The following CHCHD3 variants were observed in gnomAD, a reference collection of about 807,000 sequenced individuals.
CHCHD3 encodes the protein MICOS complex subunit MIC19.
CHCHD3 carries 20 observed loss-of-function variants against 38.2 expected under a neutral mutation model. The observed-to-expected ratio is 0.52, with a 90% CI of 0.37 to 0.76. The LOEUF (loss-of-function observed/expected upper bound fraction) is 0.76, where lower values mean the gene tolerates loss of function less well. Among genes scored for constraint, CHCHD3 ranks in the 30% least tolerant of loss-of-function variants. CHCHD3 has a pLI of 0.00. For synonymous variants in CHCHD3, 82 were observed against 100.0 expected, an observed-to-expected ratio of 0.82 and a Z score of 1.07; for missense variants, 245 against 279.2, an observed-to-expected ratio of 0.88 and a Z score of 0.87.
intron 1 of CHCHD3, among the ~76,000 whole-genome samples, chr7:133,080,065 A>G (rs1456450207): frequency 6.6e-6 from 1 of 152,230 alleles, no homozygotes; most frequent in Non-Finnish European, 1.5e-5. Flanking sequence ...ATTGCAAAAC[A>G]TTCATGTAAA....
chr7:132,871,795 C>G (rs1808772661), intron 5 of CHCHD3, among the ~76,000 whole-genome samples: 1 of 152,178 alleles, frequency 6.6e-6, no homozygotes, highest in Non-Finnish European at 1.5e-5. Context: ...AATATCTGCA[C>G]ACACAGTAGA....
At chr7:132,975,708 A>T (rs1811746811) in intron 3 of CHCHD3, among the ~76,000 whole-genome samples, 1 of 152,088 alleles carries the variant, frequency 6.6e-6, no homozygotes, top group Non-Finnish European at 1.5e-5. Flanking sequence ...AGGCAAGTGG[A>T]CCACTTGAGG....
intron 4 of CHCHD3, among the ~76,000 whole-genome samples, chr7:132,936,198 A>C (rs1208486608): frequency 6.6e-6 from 1 of 152,158 alleles, no homozygotes; most frequent in Non-Finnish European, 1.5e-5. Context: ...GCACCCGATA[A>C]ATGACAGGCA....
chr7:132,933,560 T>C (rs1054654359), intron 4 of CHCHD3, among the ~76,000 whole-genome samples: 1 of 152,192 alleles, frequency 6.6e-6, no homozygotes, highest in Admixed American at 6.5e-5. Flanking sequence ...ATTTCACTGG[T>C]TGGGAGTGAT....
chr7:133,080,632 A>T (rs983744260), intron 1 of CHCHD3, among the ~76,000 whole-genome samples: 1 of 152,282 alleles, frequency 6.6e-6, no homozygotes, highest in African/African-American at 2.4e-5. Context: ...GAAACACAAT[A>T]ACTCAAAGAA....
intron 4 of CHCHD3, among the ~76,000 whole-genome samples, chr7:132,886,582 G>A (rs1585605321): frequency 2.0e-5 from 3 of 151,494 alleles, no homozygotes; most frequent in African/African-American, 4.8e-5. Flanking sequence ...TTTTTGCTCA[G>A]TGAATGCTGA....
intron 4 of CHCHD3, among the ~76,000 whole-genome samples, chr7:132,968,056 C>T (rs1456940544): frequency 1.3e-5 from 2 of 152,096 alleles, no homozygotes; most frequent in African/African-American, 2.4e-5. Flanking sequence ...AGCAAACATA[C>T]CTAAAGCTGC....
Position 133,035,769 on chromosome 7 carries a change from CG to C in CHCHD3, c.170-11143del, listed in dbSNP as rs1286538889. 6.2e-7 allele frequency: 1 copy of C among 1,613,056 alleles called. No individual in the cohort carries two copies. The highest frequency in any genetic ancestry group is 1.3e-5 in the African/African-American group (1 of 74,890). The stretch of plus-strand genomic sequence containing the variant: ...TGGGACCTTGCCGGCAGGAAATTTG[CG>C]AAGAAATTCAGAGGTGCGGTTGGTT... On this transcript the variant is annotated intron_variant, in intron 2 of 7. Coordinates refer to ENST00000262570, the MANE Select transcript of CHCHD3 (RefSeq NM_017812.4). This position sits in a 1 kb window ranked among gnomAD's most constrained non-coding sequence, Gnocchi z 4.7.
At chr7:132,910,797 T>C (rs1809927990) in intron 4 of CHCHD3, among the ~76,000 whole-genome samples, 1 of 152,194 alleles carries the variant, frequency 6.6e-6, no homozygotes. Context: ...CAGACGTTGC[T>C]CAGCCAGCAC....
chr7:132,951,723 G>A (rs1460757563), intron 4 of CHCHD3, among the ~76,000 whole-genome samples: 1 of 152,160 alleles, frequency 6.6e-6, no homozygotes, highest in African/African-American at 2.4e-5. Context: ...AAGAAATATA[G>A]AATTTGCAGT....
chr7:132,956,140 A>G (rs192024387), intron 4 of CHCHD3, among the ~76,000 whole-genome samples: 8 of 152,352 alleles, frequency 5.3e-5, no homozygotes, highest in Admixed American at 3.9e-4. Flanking sequence ...TCCAGATTGC[A>G]TTCAGACACA....
At chr7:132,877,808 A>G (rs1808950844) in intron 5 of CHCHD3, among the ~76,000 whole-genome samples, 1 of 152,134 alleles carries the variant, frequency 6.6e-6, no homozygotes, top group Non-Finnish European at 1.5e-5. Context: ...AGAAGCCAGT[A>G]CAAAATTTCC....
intron 5 of CHCHD3, among the ~76,000 whole-genome samples, chr7:132,858,867 C>G (rs76821965): frequency 6.6e-6 from 1 of 152,260 alleles, no homozygotes; most frequent in African/African-American, 2.4e-5. Context: ...CATAGATTGT[C>G]TCATGCAAAC....
chr7:132,875,587 A>G (rs1405916142), intron 5 of CHCHD3, among the ~76,000 whole-genome samples: 2 of 152,220 alleles, frequency 1.3e-5, no homozygotes, highest in East Asian at 3.8e-4. Flanking sequence ...CACAAAACAC[A>G]CAGCCTCCAT....
intron 5 of CHCHD3, among the ~76,000 whole-genome samples, chr7:132,855,933 G>A (rs1481026609): frequency 6.6e-6 from 1 of 151,972 alleles, no homozygotes; most frequent in Non-Finnish European, 1.5e-5. Context: ...AGCTATAGAG[G>A]ACCAGTAAAC....
chr7:133,046,189 T>C (rs1813977707), intron 2 of CHCHD3, among the ~76,000 whole-genome samples: 1 of 152,226 alleles, frequency 6.6e-6, no homozygotes, highest in Non-Finnish European at 1.5e-5. Context: ...GAGAGACCGG[T>C]ATAATCTGAT....
intron 6 of CHCHD3, among the ~76,000 whole-genome samples, chr7:132,837,834 AC>A: frequency 6.6e-6 from 1 of 152,212 alleles, no homozygotes; most frequent in South Asian, 2.1e-4. Flanking sequence ...AAGCTATGGG[AC>A]ACGGACACTT....
At chr7:132,822,472 G>A (rs1807403307) in intron 6 of CHCHD3, among the ~76,000 whole-genome samples, 1 of 149,640 alleles carries the variant, frequency 6.7e-6, no homozygotes, top group African/African-American at 2.5e-5. Flanking sequence ...GATTCATATT[G>A]TGATACAACT....
intron 5 of CHCHD3, among the ~76,000 whole-genome samples, chr7:132,860,826 G>A (rs530517500): frequency 7.9e-5 from 12 of 152,264 alleles, no homozygotes; most frequent in African/African-American, 2.6e-4. Context: ...GTTTCACCAT[G>A]TTGCCTGGGC....
Sources: allele counts gnomAD v4.1 joint callset (sites outside exome capture counted in the v4.1 genomes callset), GRCh38; gene constraint gnomAD v4.1.1; non-coding constraint Gnocchi (gnomAD v3.1); transcripts MANE v1.5; gene names NCBI Gene and HGNC (gene_info 2026-07-23, HGNC 2026-07-21).